CFAP47: variants seen among roughly 807,000 people sequenced by gnomAD.
The protein encoded by CFAP47 is cilia- and flagella-associated protein 47.
A neutral mutation model predicts 148.1 loss-of-function variants in CFAP47; 29 were observed. The ratio of observed to expected loss-of-function variants is 0.20; its 90% CI spans 0.15 to 0.27. The LOEUF (loss-of-function observed/expected upper bound fraction) is 0.27. CFAP47 is among the 10% of genes least tolerant of loss of function. The pLI, the probability that CFAP47 is intolerant of heterozygous loss-of-function variation, is 1.00. For missense variants in CFAP47, 1,872 were observed against 1,697.5 expected (o/e 1.10, Z -1.81); for synonymous variants, 664 against 577.3 (o/e 1.15, Z -2.15).
At chrX:36,383,183 T>C (rs1235229587) in intron 63 of CFAP47, among the ~76,000 whole-genome samples, 1 of 111,950 alleles carries the variant, frequency 8.9e-6, no homozygotes, top group African/African-American at 3.2e-5. Flanking sequence ...TAAATCTTAA[T>C]TGAATTTCAA....
rs374706165 is a variant in CFAP47, at chrX:36,281,920, A to G, written c.7588+1290A>G. ...GTGATGGAAATATAGAAATATCACT[A>G]AAGATGAGAAATATTTCAGAGACTA... On this transcript the variant is annotated intron_variant, in intron 50 of 63. Transcript: ENST00000378653. Among the ~76,000 whole-genome samples, 6 of 111,738 alleles carry G rather than the reference A, an allele frequency of 5.4e-5. No individual in the cohort carries two copies. The East Asian group carries it at 1.1e-3, about 21-fold the overall frequency.
intron 3 of CFAP47, among the ~76,000 whole-genome samples, chrX:35,945,871 C>CTTTTTTT (rs34966421): frequency 3.4e-5 from 3 of 87,673 alleles, no homozygotes; most frequent in African/African-American, 8.7e-5. Flanking sequence ...TTCTCCTTCT[C>CTTTTTTT]TTTTTTTTTT....
At chrX:36,150,623 TA>T (rs1211757996) in intron 37 of CFAP47, among the ~76,000 whole-genome samples, 2 of 111,520 alleles carry the variant, frequency 1.8e-5, no homozygotes, top group Non-Finnish European at 3.8e-5. Flanking sequence ...GAAATAATAA[TA>T]AAAAAGGGCC....
At chrX:36,215,146 A>G (rs1470730844) in intron 45 of CFAP47, among the ~76,000 whole-genome samples, 1 of 111,313 alleles carries the variant, frequency 9.0e-6, no homozygotes, top group African/African-American at 3.3e-5. Context: ...CATCTCCATT[A>G]TAATCTTATG....
chrX:36,096,684 A>G (rs767229035), intron 30 of CFAP47, among the ~76,000 whole-genome samples: 2 of 108,363 alleles, frequency 1.8e-5, no homozygotes, highest in South Asian at 3.9e-4. Context: ...TTTTATTTCC[A>G]TTAGCATGGG....
chrX:36,061,964 A>G (rs1937597215), intron 26 of CFAP47, among the ~76,000 whole-genome samples: 1 of 112,009 alleles, frequency 8.9e-6, no homozygotes, highest in Admixed American at 9.5e-5. Context: ...CAATGTTACC[A>G]TAACCTCTTC....
chrX:36,341,565 A>G (rs1216091181), intron 57 of CFAP47, among the ~76,000 whole-genome samples: 2 of 111,484 alleles, frequency 1.8e-5, no homozygotes, highest in African/African-American at 3.3e-5. Flanking sequence ...AGAAGACCTC[A>G]TAGCTATTAA....
At chrX:36,042,013 G>A (rs1937412173) in intron 25 of CFAP47, among the ~76,000 whole-genome samples, 1 of 108,544 alleles carries the variant, frequency 9.2e-6, no homozygotes, top group Non-Finnish European at 1.9e-5. Flanking sequence ...TTCAAGGCTT[G>A]TCTATCATCA....
At chrX:36,269,900 A>C (rs1319289725) in intron 49 of CFAP47, among the ~76,000 whole-genome samples, 3 of 111,941 alleles carry the variant, frequency 2.7e-5, no homozygotes, top group Non-Finnish European at 3.8e-5. Flanking sequence ...TATATAAATG[A>C]AATCATACAG....
At chrX:36,033,885 T>C (rs778280573) in intron 23 of CFAP47, among the ~76,000 whole-genome samples, 29 of 111,738 alleles carry the variant, frequency 2.6e-4, no homozygotes, top group Non-Finnish European at 5.3e-4. Context: ...AGGCCCATAA[T>C]GTTCAGATTT....
rs60595897 is a variant in CFAP47, at chrX:36,248,496, T to TCACACACACACACACA, written c.7333-2824_7333-2809dup. ...TATTTTAAAAATATCACATATTATA[T>TCACACACACACACACA]CACACACACACACACACACACACAC... On this transcript the variant is annotated intron_variant, in intron 48 of 63. Coordinates refer to ENST00000378653, the MANE Select transcript of CFAP47 (RefSeq NM_001304548.2). Among the ~76,000 whole-genome samples, 127 of 95,442 alleles carry TCACACACACACACACA rather than the reference T, an allele frequency of 1.3e-3. 1 individual carries two copies. The highest frequency in any genetic ancestry group is 4.7e-3 in the African/African-American group (121 of 25,577). 82.9% of individuals were successfully genotyped at this position (95,442 alleles called of 115,157 possible).
intron 27 of CFAP47, among the ~76,000 whole-genome samples, chrX:36,071,383 C>A (rs1937749083): frequency 8.9e-6 from 1 of 112,124 alleles, no homozygotes; most frequent in African/African-American, 3.2e-5. Flanking sequence ...AGTTCATAAC[C>A]AAGCTGTGAT....
chrX:36,077,298 C>A (rs1226786098), intron 29 of CFAP47, among the ~76,000 whole-genome samples: 1 of 86,637 alleles, frequency 1.2e-5, no homozygotes, highest in Non-Finnish European at 2.2e-5. Context: ...TTTTATAATT[C>A]TTTGAAAAAT....
intron 37 of CFAP47, among the ~76,000 whole-genome samples, chrX:36,153,264 G>T (rs1345813967): frequency 1.8e-5 from 2 of 111,752 alleles, no homozygotes; most frequent in Non-Finnish European, 3.8e-5. Flanking sequence ...GTGATAACAG[G>T]TCCTAAGTGT....
chrX:36,241,596 C>A (rs1555996030), intron 48 of CFAP47, among the ~76,000 whole-genome samples: 1 of 111,915 alleles, frequency 8.9e-6, no homozygotes, highest in African/African-American at 3.3e-5. Flanking sequence ...GCAGCTGGAG[C>A]CTGACCCCTA....
At chrX:36,040,339 AT>A (rs1172153709) in intron 25 of CFAP47, among the ~76,000 whole-genome samples, 1 of 112,173 alleles carries the variant, frequency 8.9e-6, no homozygotes, top group Non-Finnish European at 1.9e-5. Context: ...CCAAATTAAA[AT>A]TGGGAAAATA....
At chrX:36,229,221 A>G (rs2146901234) in intron 46 of CFAP47, among the ~76,000 whole-genome samples, 1 of 112,021 alleles carries the variant, frequency 8.9e-6, no homozygotes, top group East Asian at 2.8e-4. Flanking sequence ...CAAAGTGACA[A>G]TATAGTGTAA....
chrX:35,997,032 G>A (rs1936855525), intron 18 of CFAP47, among the ~76,000 whole-genome samples: 1 of 111,369 alleles, frequency 9.0e-6, no homozygotes, highest in South Asian at 3.7e-4. Context: ...GCAAGGAGTG[G>A]CAATAAAGTT....
intron 55 of CFAP47, among the ~76,000 whole-genome samples, chrX:36,309,288 G>T (rs1941375085): frequency 9.0e-6 from 1 of 110,956 alleles, no homozygotes; most frequent in African/African-American, 3.2e-5. Flanking sequence ...GTGAGTCTGT[G>T]ATCTTTGTAG....
Sources: gnomAD v4.1 joint callset for allele counts (sites outside exome capture counted in the v4.1 genomes callset) on GRCh38, gnomAD v4.1.1 for gene constraint, MANE v1.5 for transcripts, NCBI Gene and HGNC (gene_info 2026-07-23, HGNC 2026-07-21) for gene names.